SGMS2: variants seen among roughly 807,000 people sequenced by gnomAD.
SGMS2 encodes sphingomyelin synthase 2.
In SGMS2, 21 loss-of-function variants were observed where a neutral mutation model predicts 43.8. The ratio of observed to expected loss-of-function variants is 0.48; its 90% CI spans 0.34 to 0.69. The LOEUF is 0.69. Among genes scored for constraint, SGMS2 ranks in the 30% least tolerant of loss-of-function variants. The pLI is 0.01. For missense variants in SGMS2, 384 were observed against 443.2 expected, an observed-to-expected ratio of 0.87 and a Z score of 1.20; for synonymous variants, 167 against 160.6, an observed-to-expected ratio of 1.04 and a Z score of -0.30.
At chr4:107,830,932 A>G (rs969553393) in intron 1 of SGMS2, among the ~76,000 whole-genome samples, 3 of 152,190 alleles carry the variant, frequency 2.0e-5, no homozygotes, top group African/African-American at 7.2e-5. Flanking sequence ...GTTAGTGTTG[A>G]TAAATAGTGG....
intron 5 of SGMS2, among the ~76,000 whole-genome samples, chr4:107,906,536 G>A (rs1213870617): frequency 3.9e-5 from 6 of 152,198 alleles, no homozygotes; most frequent in Admixed American, 3.9e-4. Context: ...AGACAGTGAT[G>A]TTAGCTATTA....
intron 1 of SGMS2, among the ~76,000 whole-genome samples, chr4:107,829,234 ATTAG>A (rs1454888385): frequency 1.3e-5 from 2 of 152,164 alleles, no homozygotes; most frequent in Non-Finnish European, 2.9e-5. Flanking sequence ...AGAAATTTCT[ATTAG>A]TTTATTTTTA....
At chr4:107,889,851 A>G (rs960294299) in intron 2 of SGMS2, among the ~76,000 whole-genome samples, 1 of 152,130 alleles carries the variant, frequency 6.6e-6, no homozygotes. Context: ...GCCAAATCGA[A>G]CATAAAATTA....
At chr4:107,832,757 G>A (rs1376954195) in intron 1 of SGMS2, among the ~76,000 whole-genome samples, 1 of 152,224 alleles carries the variant, frequency 6.6e-6, no homozygotes, top group African/African-American at 2.4e-5. Flanking sequence ...ACTGGGTACT[G>A]TGGCTCATGC....
At chr4:107,830,193 C>T (rs1725812400) in intron 1 of SGMS2, among the ~76,000 whole-genome samples, 1 of 152,116 alleles carries the variant, frequency 6.6e-6, no homozygotes, top group African/African-American at 2.4e-5. Context: ...ATCCATGTTG[C>T]CACAAAGGAC....
intron 1 of SGMS2, among the ~76,000 whole-genome samples, chr4:107,851,306 G>T (rs1040624600): frequency 2.6e-5 from 4 of 152,106 alleles, no homozygotes; most frequent in African/African-American, 9.7e-5. Flanking sequence ...GAAGCAAACC[G>T]CTGATAACTA....
intron 2 of SGMS2, among the ~76,000 whole-genome samples, chr4:107,872,310 A>G (rs962154219): frequency 1.3e-5 from 2 of 152,146 alleles, no homozygotes; most frequent in Admixed American, 6.6e-5. Flanking sequence ...GTGTTATCTC[A>G]TAAGCCTGGT....
chr4:107,861,815 A>G (rs1010639074), intron 2 of SGMS2, among the ~76,000 whole-genome samples: 8 of 152,258 alleles, frequency 5.3e-5, no homozygotes, highest in African/African-American at 1.9e-4. Flanking sequence ...AATAGTTCTT[A>G]CAAATATCAG....
intron 1 of SGMS2, among the ~76,000 whole-genome samples, chr4:107,832,582 A>G (rs1027614398): frequency 3.3e-5 from 5 of 152,358 alleles, no homozygotes; most frequent in Admixed American, 2.6e-4. Flanking sequence ...TGTGGAATCT[A>G]GCATGTTTCT....
At chr4:107,908,280 C>T in intron 5 of SGMS2, 1 of 285,344 alleles carries the variant, frequency 3.5e-6, no homozygotes, top group Non-Finnish European at 6.5e-6. Context: ...CAATTCTGTT[C>T]TTTCTTACTA....
chr4:107,826,211 A>G (rs1725582606), intron 1 of SGMS2, among the ~76,000 whole-genome samples: 1 of 152,244 alleles, frequency 6.6e-6, no homozygotes, highest in Admixed American at 6.5e-5. Flanking sequence ...GTCTGGTACA[A>G]AGCAGACCCC....
intron 2 of SGMS2, among the ~76,000 whole-genome samples, chr4:107,860,179 C>G (rs972506374): frequency 6.6e-6 from 1 of 151,980 alleles, no homozygotes; most frequent in Non-Finnish European, 1.5e-5. Flanking sequence ...TAAAAGATAG[C>G]GTACTATATT....
At chr4:107,879,919 C>T (rs1578595047) in intron 2 of SGMS2, among the ~76,000 whole-genome samples, 1 of 152,176 alleles carries the variant, frequency 6.6e-6, no homozygotes, top group Non-Finnish European at 1.5e-5. Context: ...AAACTTCCAG[C>T]CCACTTGCAG....
chr4:107,863,202 A>G (rs1443524334), intron 2 of SGMS2, among the ~76,000 whole-genome samples: 1 of 152,182 alleles, frequency 6.6e-6, no homozygotes, highest in Admixed American at 6.5e-5. Flanking sequence ...AGAAAATCAC[A>G]ACATAGCATG....
At chr4:107,897,343 C>G (rs181733481) in intron 3 of SGMS2, among the ~76,000 whole-genome samples, 1 of 152,156 alleles carries the variant, frequency 6.6e-6, no homozygotes, top group South Asian at 2.1e-4. Flanking sequence ...GTAACCTGCT[C>G]CTGAAATTGT....
intron 2 of SGMS2, among the ~76,000 whole-genome samples, chr4:107,893,939 T>C (rs1175786116): frequency 2.6e-5 from 4 of 152,320 alleles, no homozygotes; most frequent in Middle Eastern, 3.4e-3. Flanking sequence ...GACTGCAAGC[T>C]CTTTGGCTGA....
chr4:107,833,489 C>T (rs1344621209), intron 1 of SGMS2, among the ~76,000 whole-genome samples: 2 of 152,086 alleles, frequency 1.3e-5, no homozygotes, highest in African/African-American at 2.4e-5. Context: ...CAATGTGACA[C>T]CATAAATGAA....
At chr4:107,908,399 G>C (rs1186156295) in intron 5 of SGMS2, among the ~76,000 whole-genome samples, 166 bp from the exon 6 acceptor site, 1 of 152,136 alleles carries the variant, frequency 6.6e-6, no homozygotes, top group Non-Finnish European at 1.5e-5. Flanking sequence ...CCTCCTACCT[G>C]AGCAGATCCT....
intron 4 of SGMS2, among the ~76,000 whole-genome samples, chr4:107,901,434 A>G (rs1321271651): frequency 2.0e-5 from 3 of 152,166 alleles, no homozygotes; most frequent in African/African-American, 4.8e-5. Context: ...TGCTGACTCT[A>G]TAGGAATGTC....
Sources: gnomAD v4.1 joint callset for allele counts (sites outside exome capture counted in the v4.1 genomes callset) on GRCh38, gnomAD v4.1.1 for gene constraint, MANE v1.5 for transcripts, NCBI Gene and HGNC (gene_info 2026-07-23, HGNC 2026-07-21) for gene names.